DNMT3B: variants seen among roughly 807,000 people sequenced by gnomAD.
DNMT3B encodes the protein DNA (cytosine-5)-methyltransferase 3B.
A neutral mutation model predicts 120.2 loss-of-function variants in DNMT3B; 37 were observed. That is an observed-to-expected ratio of 0.31 (90% confidence interval 0.24 to 0.40). The LOEUF (loss-of-function observed/expected upper bound fraction) is 0.40. DNMT3B is among the 10% of genes least tolerant of loss of function. The probability of loss-of-function intolerance (pLI) is 1.00; values close to 1 mark genes in which losing one functional copy is unlikely to be tolerated. For missense variants in DNMT3B, 878 were observed against 1,137.3 expected (o/e 0.77, Z 3.28); for synonymous variants, 412 against 442.8 (o/e 0.93, Z 0.87).
Position 32,800,189 on chromosome 20 carries a change from G to A in DNMT3B, c.1796G>A (p.Gly599Glu), listed in dbSNP as rs770730685. The change falls in exon 17 of 23, where the codon GGA becomes GAA. Residue 599 changes from glycine to glutamate, a missense_variant. This residue lies in a region of DNMT3B where 334 missense variants were observed against 518.8 expected (regional missense o/e 0.64). Coordinates refer to ENST00000328111, the MANE Select transcript of DNMT3B (RefSeq NM_006892.4). ...CTCAAAGAGTTGGGCATAAAGGTAG[G>A]AAAGTACGTCGCTTCTGAAGTGTGT... ...LVLKELGIKVGKYVASEVCEE... is the reference protein window; with the variant it reads ...LVLKELGIKVEKYVASEVCEE... The A allele has an allele frequency of 6.2e-7, 1 of 1,614,252 alleles. No homozygotes were observed. Among genetic ancestry groups the A allele is most frequent in the Non-Finnish European group, 8.5e-7 (1 of 1,180,054 alleles).
intron 6 of DNMT3B, 61 bp downstream of exon 6, chr20:32,787,512 AGT>A (rs2145951181): frequency 3.9e-6 from 6 of 1,535,556 alleles, no homozygotes; most frequent in Non-Finnish European, 5.3e-6. Context: ...GGGAAAAACC[AGT>A]TACCTGCTAC....
At chr20:32,779,878 AG>A in intron 1 of DNMT3B, 1 of 606,996 alleles carries the variant, frequency 1.6e-6, no homozygotes, top group Non-Finnish European at 2.9e-6. Flanking sequence ...CAAAGGGGTC[AG>A]GAGGGAAAAT....
intron 7 of DNMT3B, among the ~76,000 whole-genome samples, chr20:32,790,676 C>CT (rs1203249576): frequency 0.024 from 3,581 of 147,750 alleles, 129 homozygotes; most frequent in African/African-American, 0.081. Flanking sequence ...CTTTCAGTTC[C>CT]TTTTTTTTTT....
intron 1 of DNMT3B, among the ~76,000 whole-genome samples, chr20:32,773,264 G>A (rs1402179650): frequency 5.9e-5 from 9 of 152,062 alleles, no homozygotes; most frequent in African/African-American, 9.7e-5. Context: ...GTGCCACCAC[G>A]CCTAGTTTAT....
chr20:32,794,143 G>A lies in DNMT3B; in HGVS notation c.1126+548G>A, dbSNP rs537728210. 3.9e-5 allele frequency among the ~76,000 whole-genome samples: 6 copies of A among 152,048 alleles called. No homozygotes were observed. In the East Asian group the frequency reaches 1.2e-3, roughly 29 times the overall value. On this transcript the variant is annotated intron_variant, in intron 10 of 22. Coordinates refer to ENST00000328111, the MANE Select transcript of DNMT3B (RefSeq NM_006892.4). ...GGACGCTGAGGTGGGCAGATTGCTT[G>A]AGCTCAGGAGTTCCAAGACCAGCCT...
At chr20:32,779,750 T>C (rs933039863) in intron 1 of DNMT3B, 1 of 296,388 alleles carries the variant, frequency 3.4e-6, no homozygotes, top group African/African-American at 3.8e-5. Context: ...CAATGGGCCC[T>C]GGAGGATGGG....
chr20:32,787,185 G>A (rs4911107), intron 5 of DNMT3B, 45 bp from the exon 6 acceptor site: 719,504 of 1,612,584 alleles, frequency 0.45, 170,719 homozygotes, highest in East Asian at 0.91. Flanking sequence ...TCTGGTCACC[G>A]ACATCCTTTG....
intron 19 of DNMT3B, among the ~76,000 whole-genome samples, chr20:32,801,789 T>C (rs1482523297): frequency 6.6e-6 from 1 of 152,088 alleles, no homozygotes; most frequent in Non-Finnish European, 1.5e-5. Flanking sequence ...CTTGGTATGT[T>C]GCACACCCTA....
chr20:32,798,982 G>C (rs1980994221), intron 15 of DNMT3B, among the ~76,000 whole-genome samples: 2 of 152,340 alleles, frequency 1.3e-5, no homozygotes, highest in Admixed American at 6.5e-5. Context: ...GGTCATTCCT[G>C]TCTGGGGTGA....
chr20:32,793,168 G>A (rs1328068433), intron 9 of DNMT3B, among the ~76,000 whole-genome samples: 1 of 152,192 alleles, frequency 6.6e-6, no homozygotes, highest in African/African-American at 2.4e-5. Flanking sequence ...GATAACTCTG[G>A]TTTCTAGAAA....
chr20:32,800,734 T>C, intron 17 of DNMT3B, 101 bp from the exon 18 acceptor site: 1 of 1,320,090 alleles, frequency 7.6e-7, no homozygotes, highest in Admixed American at 1.7e-5. Context: ...GGATTACAGG[T>C]GTGAGCCACC....
intron 22 of DNMT3B, 77 bp from the exon 23 acceptor site, chr20:32,807,672 AGGGCAGAAAGAGT>A: frequency 6.3e-7 from 1 of 1,591,656 alleles, no homozygotes; most frequent in Non-Finnish European, 8.6e-7. Context: ...AGGGATGGCG[AGGGCAGAAAGAGT>A]GGGACCTGGC....
chr20:32,784,632 T>A, intron 3 of DNMT3B, 126 bp from the exon 4 acceptor site: 1 of 982,904 alleles, frequency 1.0e-6, no homozygotes, highest in Non-Finnish European at 1.6e-6. Context: ...TGCAGTGTGT[T>A]GTGATGAGTG....
chr20:32,778,055 C>T (rs1988154640), intron 1 of DNMT3B, among the ~76,000 whole-genome samples: 1 of 152,182 alleles, frequency 6.6e-6, no homozygotes, highest in African/African-American at 2.4e-5. Context: ...AATCCCGCTT[C>T]AGGCCGGGTG....
At chr20:32,796,890 C>A (rs544365393) in intron 13 of DNMT3B, 21 bp downstream of exon 13, 38 of 1,614,022 alleles carry the variant, frequency 2.4e-5, no homozygotes, top group Non-Finnish European at 3.2e-5. Flanking sequence ...CTACTACTGC[C>A]CTGGACCTTC....
chr20:32,763,351 G>T (rs1321665175), intron 1 of DNMT3B, among the ~76,000 whole-genome samples: 1 of 152,198 alleles, frequency 6.6e-6, no homozygotes, highest in Non-Finnish European at 1.5e-5. Flanking sequence ...GTGCTCCTGA[G>T]CTGAGCCATC....
intron 7 of DNMT3B, among the ~76,000 whole-genome samples, chr20:32,789,552 G>C (rs534978987): frequency 6.6e-6 from 1 of 152,220 alleles, no homozygotes; most frequent in South Asian, 2.1e-4. Flanking sequence ...GCTGTGTTGG[G>C]CATAACTAGG....
chr20:32,768,256 C>T lies in DNMT3B; in HGVS notation c.-7+5557C>T, dbSNP rs369873791. On this transcript the variant is annotated intron_variant, in intron 1 of 22. Transcript: ENST00000328111. Reference sequence around the variant, plus strand: ...TGTCGCCCAGGCTGGAGTGCAATGGCGGGATCTCGGCTCACCACAACCCCC... The same window carrying T: ...TGTCGCCCAGGCTGGAGTGCAATGGTGGGATCTCGGCTCACCACAACCCCC... Among the ~76,000 whole-genome samples, 100 of 143,566 alleles carry T rather than the reference C, an allele frequency of 7.0e-4. 1 individual carries two copies. The highest frequency in any genetic ancestry group is 2.3e-3 in the African/African-American group (86 of 37,516). The allele number at this position is 143,566 out of a possible 152,430, so 94.2% of individuals were successfully genotyped here. A position where few individuals can be genotyped will look rare whatever the true frequency, so the allele number is the denominator to read the frequency against.
chr20:32,791,821 C>T, intron 8 of DNMT3B, 113 bp downstream of exon 8: 1 of 1,144,766 alleles, frequency 8.7e-7, no homozygotes, highest in Non-Finnish European at 1.3e-6. Context: ...ACAGGGTGGC[C>T]AGGGAGGAGG....
Sources: gnomAD v4.1 joint callset for allele counts (sites outside exome capture counted in the v4.1 genomes callset) on GRCh38, gnomAD v4.1.1 for gene constraint, gnomAD v4.1.1 regional missense constraint, MANE v1.5 for transcripts, NCBI Gene and HGNC (gene_info 2026-07-23, HGNC 2026-07-21) for gene names.